ZCCHC14: variants seen among roughly 807,000 people sequenced by gnomAD.
ZCCHC14 encodes zinc finger CCHC-type containing 14, also known as zinc finger CCHC domain-containing protein 14.
In ZCCHC14, 16 loss-of-function variants were observed where a neutral mutation model predicts 85.0. The ratio of observed to expected loss-of-function variants is 0.19; its 90% confidence interval spans 0.13 to 0.29. The LOEUF (loss-of-function observed/expected upper bound fraction) is 0.29. Ranked by LOEUF, ZCCHC14 falls within the 10% of genes least tolerant of loss-of-function variation. The pLI, the probability that ZCCHC14 is intolerant of heterozygous loss-of-function variation, is 1.00. For missense variants in ZCCHC14, 1,303 were observed against 1,443.5 expected, an observed-to-expected ratio of 0.90 and a Z score of 1.58; for synonymous variants, 775 against 630.7, an observed-to-expected ratio of 1.23 and a Z score of -3.43.
At chr16:87,443,167 G>A (rs1314469736) in intron 2 of ZCCHC14, among the ~76,000 whole-genome samples, 2 of 152,198 alleles carry the variant, frequency 1.3e-5, no homozygotes, top group Non-Finnish European at 1.5e-5. Flanking sequence ...AGCAGCTTTC[G>A]ATGCCTGCGG....
intron 4 of ZCCHC14, 84 bp downstream of exon 4, chr16:87,423,726 G>A: frequency 6.8e-7 from 1 of 1,480,376 alleles, no homozygotes; most frequent in Non-Finnish European, 9.4e-7. Context: ...TGAAGGGAGT[G>A]GCCTCTGAAA....
At chr16:87,490,837 G>T (rs1021018341) in intron 1 of ZCCHC14, among the ~76,000 whole-genome samples, 2 of 152,166 alleles carry the variant, frequency 1.3e-5, no homozygotes, top group African/African-American at 4.8e-5. Context: ...GCCCACATGC[G>T]ACACACGCGT....
intron 4 of ZCCHC14, among the ~76,000 whole-genome samples, chr16:87,423,131 T>A (rs1449588621): frequency 6.6e-6 from 1 of 152,250 alleles, no homozygotes; most frequent in African/African-American, 2.4e-5. Flanking sequence ...GCTGAGACAG[T>A]CGTTCACGCT....
Position 87,477,694 on chromosome 16 carries a change from T to A in ZCCHC14, c.570+13975A>T, listed in dbSNP as rs546858322. ...TAGAACTTGACTCATGGAGCTGTTA[T>A]GAGGATTAAATGAAATACATGCGAC... On this transcript the variant is annotated intron_variant, in intron 1 of 12. Transcript: ENST00000671377. Among the ~76,000 whole-genome samples, 5 of 152,328 alleles carry A rather than the reference T, an allele frequency of 3.3e-5. No individual in the cohort carries two copies. The East Asian group carries it at 9.6e-4, about 29-fold the overall frequency.
intron 1 of ZCCHC14, among the ~76,000 whole-genome samples, chr16:87,465,775 T>A (rs1424185522): frequency 6.6e-6 from 1 of 152,002 alleles, no homozygotes; most frequent in Non-Finnish European, 1.5e-5. Context: ...TATTTCAAGG[T>A]AAATCTTCAC....
chr16:87,484,417 G>C, intron 1 of ZCCHC14, among the ~76,000 whole-genome samples: 1 of 152,176 alleles, frequency 6.6e-6, no homozygotes, highest in East Asian at 1.9e-4. Flanking sequence ...AGAGGTTCGA[G>C]GCAAAAGGCA....
chr16:87,449,056 C>G (rs1910571292), intron 2 of ZCCHC14, among the ~76,000 whole-genome samples: 1 of 152,220 alleles, frequency 6.6e-6, no homozygotes, highest in Non-Finnish European at 1.5e-5. Flanking sequence ...TGAGGGACGC[C>G]TGAGTCAGAG....
chr16:87,440,918 C>A (rs555904723), intron 2 of ZCCHC14, among the ~76,000 whole-genome samples: 7 of 152,022 alleles, frequency 4.6e-5, no homozygotes, highest in African/African-American at 1.7e-4. Flanking sequence ...CCCAGCCCTG[C>A]CCTTCATTTT....
intron 2 of ZCCHC14, among the ~76,000 whole-genome samples, chr16:87,445,986 T>C (rs1456077406): frequency 6.6e-6 from 1 of 152,096 alleles, no homozygotes; most frequent in Non-Finnish European, 1.5e-5. Context: ...ACTCCAAACA[T>C]CGACAGTATT....
chr16:87,430,533 T>G (rs1909601710), intron 3 of ZCCHC14, among the ~76,000 whole-genome samples: 1 of 151,850 alleles, frequency 6.6e-6, no homozygotes, highest in Admixed American at 6.6e-5. Context: ...TCTTTTTTTT[T>G]TTTTTTGAGA....
At chr16:87,424,458 G>A (rs1461367635) in intron 3 of ZCCHC14, among the ~76,000 whole-genome samples, 2 of 152,156 alleles carry the variant, frequency 1.3e-5, no homozygotes, top group Admixed American at 1.3e-4. Flanking sequence ...AGTGAAAAGG[G>A]CTTTCTGGAG....
chr16:87,461,053 TC>T (rs1911232031), intron 1 of ZCCHC14, among the ~76,000 whole-genome samples: 1 of 152,172 alleles, frequency 6.6e-6, no homozygotes, highest in Admixed American at 6.5e-5. Flanking sequence ...ACACCCTCAG[TC>T]CCCATCGACA....
chr16:87,430,396 C>T (rs749668358), intron 3 of ZCCHC14, among the ~76,000 whole-genome samples: 3 of 152,218 alleles, frequency 2.0e-5, no homozygotes, highest in African/African-American at 4.8e-5. Flanking sequence ...CCTTTTGCTA[C>T]CTCACAGCGT....
intron 2 of ZCCHC14, among the ~76,000 whole-genome samples, chr16:87,445,723 C>G (rs1254534400): frequency 6.6e-6 from 1 of 152,152 alleles, no homozygotes; most frequent in East Asian, 1.9e-4. Flanking sequence ...CACATGCTGA[C>G]CATCTGGCCA....
intron 3 of ZCCHC14, among the ~76,000 whole-genome samples, chr16:87,428,571 T>C (rs1053893199): frequency 6.6e-6 from 1 of 152,212 alleles, no homozygotes; most frequent in Non-Finnish European, 1.5e-5. Flanking sequence ...GGAGTTGTAA[T>C]GAATTATAAC....
chr16:87,483,290 T>C (rs1158891008), intron 1 of ZCCHC14, among the ~76,000 whole-genome samples: 2 of 96,068 alleles, frequency 2.1e-5, no homozygotes, highest in African/African-American at 8.0e-5. Context: ...AAACCCCATC[T>C]CTACTAAAAA....
intron 2 of ZCCHC14, among the ~76,000 whole-genome samples, chr16:87,436,637 G>A (rs1909936536): frequency 6.6e-6 from 1 of 152,260 alleles, no homozygotes; most frequent in Admixed American, 6.5e-5. Context: ...ACGCCTAAGT[G>A]ATGGGCTGAT....
At chr16:87,424,897 C>A (rs1186320446) in intron 3 of ZCCHC14, among the ~76,000 whole-genome samples, 1 of 152,080 alleles carries the variant, frequency 6.6e-6, no homozygotes, top group Admixed American at 6.5e-5. Context: ...GATTTCAAGT[C>A]GGCAAATAAA....
intron 2 of ZCCHC14, among the ~76,000 whole-genome samples, chr16:87,437,957 G>A (rs1043484444): frequency 2.8e-4 from 42 of 152,352 alleles, no homozygotes; most frequent in African/African-American, 9.9e-4. Context: ...TACAGCTTCT[G>A]ATTTTTTCCT....
Sources: allele counts gnomAD v4.1 joint callset (sites outside exome capture counted in the v4.1 genomes callset), GRCh38; gene constraint gnomAD v4.1.1; transcripts MANE v1.5; gene names NCBI Gene and HGNC (gene_info 2026-07-23, HGNC 2026-07-21).